SLC7A9: variants seen among roughly 807,000 people sequenced by gnomAD.
The protein encoded by SLC7A9 is B(0,+)-type amino acid transporter 1.
SLC7A9 carries 38 observed loss-of-function variants against 54.1 expected under a neutral mutation model. The observed-to-expected ratio is 0.70, with a 90% confidence interval of 0.54 to 0.92. The LOEUF (loss-of-function observed/expected upper bound fraction) is 0.92, where lower values mean the gene tolerates loss of function less well. SLC7A9 is among the 40% of genes least tolerant of loss of function. SLC7A9 has a pLI of 0.00. For missense variants in SLC7A9, 537 were observed against 636.1 expected, an observed-to-expected ratio of 0.84 and a Z score of 1.68; for synonymous variants, 264 against 258.9, an observed-to-expected ratio of 1.02 and a Z score of -0.19.
rs1192188226 is a variant in SLC7A9, at chr19:32,862,659, ATATTTTT to A, written c.479-80_479-74del. On this transcript the variant is annotated intron_variant, in intron 4 of 12. Coordinates refer to ENST00000023064, the MANE Select transcript of SLC7A9 (RefSeq NM_014270.5). ...CTGGAGAGAGTCTCCTTTCTTTTAT[ATATTTTT>A]TATTTTTTTTTTTTTTTGAGATGGA... 8.1e-5 allele frequency: 110 copies of A among 1,353,740 alleles called. No individual in the cohort carries two copies. In the African/African-American group the frequency reaches 9.2e-4, roughly 11 times the overall value. The allele number at this position is 1,353,740 out of a possible 1,614,324, so 83.9% of individuals were successfully genotyped here.
intron 9 of SLC7A9, among the ~76,000 whole-genome samples, chr19:32,857,709 A>G (rs574912403): frequency 6.6e-6 from 1 of 152,314 alleles, no homozygotes; most frequent in Non-Finnish European, 1.5e-5. Context: ...ACGTTCATGG[A>G]AACCACCCAC....
chr19:32,842,360 C>T, intron 10 of SLC7A9, 43 bp from the exon 11 acceptor site: 2 of 1,578,540 alleles, frequency 1.3e-6, no homozygotes, highest in Non-Finnish European at 1.7e-6. Flanking sequence ...TACTACAAAA[C>T]ACTGTTCTCA....
chr19:32,860,261 A>C (rs1968759414), intron 7 of SLC7A9: 2 of 1,401,206 alleles, frequency 1.4e-6, no homozygotes, highest in Non-Finnish European at 1.9e-6. Context: ...TGAGCTCATA[A>C]GAAACCATTC....
At chr19:32,853,916 CAAAA>C (rs139253538) in intron 9 of SLC7A9, among the ~76,000 whole-genome samples, 38,103 of 119,818 alleles carry the variant, frequency 0.32, 5,681 homozygotes, top group African/African-American at 0.5. Context: ...GATCCTGTCT[CAAAA>C]AAAAAAAAAA....
At chr19:32,849,645 A>C (rs1255387423) in intron 9 of SLC7A9, among the ~76,000 whole-genome samples, 6 of 150,206 alleles carry the variant, frequency 4.0e-5, no homozygotes, top group African/African-American at 1.5e-4. Flanking sequence ...TATTCCAATC[A>C]ATAGAAAAAG....
At chr19:32,868,724 A>C in intron 1 of SLC7A9, 79 bp from the exon 2 acceptor site, 1 of 650,352 alleles carries the variant, frequency 1.5e-6, no homozygotes, top group Non-Finnish European at 2.8e-6. Flanking sequence ...TGGGCCCCAG[A>C]GTCAAAGTCA....
At chr19:32,833,117 A>T (rs1422298695) in intron 12 of SLC7A9, 32 bp downstream of exon 12, 1 of 1,612,182 alleles carries the variant, frequency 6.2e-7, no homozygotes, top group Admixed American at 1.7e-5. Flanking sequence ...TGCACCTCAC[A>T]GAGGCCAAGC....
At position 32,859,878 on chromosome 19, in the gene SLC7A9, G is replaced by A. The variant is rs1343301714; in HGVS notation, c.836C>T (p.Thr279Ile). The stretch of plus-strand genomic sequence containing the variant: ...CTGGGACTGCAGGAGTTCGGTGGCA[G>A]TCATCACGGTGAAGTAGGACACGTT... ...LMNVSYFTVMTATELLQSQAV... is the reference protein window; with the variant it reads ...LMNVSYFTVMIATELLQSQAV... The change falls in exon 8 of 13, where the codon ACT becomes ATT. Residue 279 changes from threonine (T) to isoleucine (I), a missense_variant. Coordinates refer to ENST00000023064, the MANE Select transcript of SLC7A9 (RefSeq NM_014270.5). 10 of 1,614,054 alleles carry A rather than the reference G, an allele frequency of 6.2e-6. No individual in the cohort carries two copies. The highest frequency in any genetic ancestry group is 7.6e-6 in the Non-Finnish European group (9 of 1,180,032).
chr19:32,844,773 G>A (rs1258241462), intron 9 of SLC7A9, among the ~76,000 whole-genome samples: 1 of 145,268 alleles, frequency 6.9e-6, no homozygotes, highest in Non-Finnish European at 1.5e-5. Context: ...AGAGGTTGCG[G>A]TGAGCTGAGA....
At chr19:32,868,386 C>T in intron 2 of SLC7A9, 62 bp downstream of exon 2, 1 of 1,268,938 alleles carries the variant, frequency 7.9e-7, no homozygotes, top group Non-Finnish European at 1.2e-6. Flanking sequence ...ACTGCCTGCG[C>T]CCCTCGTTCA....
At chr19:32,868,725 G>A (rs913348127) in intron 1 of SLC7A9, 80 bp from the exon 2 acceptor site, 1 of 650,232 alleles carries the variant, frequency 1.5e-6, no homozygotes, top group Non-Finnish European at 2.8e-6. Context: ...GGGCCCCAGA[G>A]TCAAAGTCAG....
chr19:32,831,543 C>T (rs549811178), intron 12 of SLC7A9, among the ~76,000 whole-genome samples: 13 of 152,310 alleles, frequency 8.5e-5, no homozygotes, highest in Admixed American at 3.3e-4. Flanking sequence ...CCCCCTCAGC[C>T]TCCCAAAGTG....
chr19:32,857,210 G>T (rs1410960437), intron 9 of SLC7A9, among the ~76,000 whole-genome samples: 1 of 152,028 alleles, frequency 6.6e-6, no homozygotes, highest in Non-Finnish European at 1.5e-5. Flanking sequence ...TTTGGGAAGT[G>T]GAGGCAGGAG....
chr19:32,836,250 T>G lies in SLC7A9; in HGVS notation c.1225-2927A>C, dbSNP rs572006371. ...TTTTAGTAGAGATGGGGTTTCACCATGTTTGCCAGGCTGGTCTTGAACTCC... is the reference window on the plus strand; with the variant it reads ...TTTTAGTAGAGATGGGGTTTCACCAGGTTTGCCAGGCTGGTCTTGAACTCC... On this transcript the variant is annotated intron_variant, in intron 11 of 12. Transcript: ENST00000023064. Among the ~76,000 whole-genome samples the G allele has an allele frequency of 3.9e-5, 6 of 152,220 alleles. No homozygotes were observed. In the South Asian group the frequency reaches 1.0e-3, roughly 26 times the overall value.
chr19:32,832,788 G>C, intron 12 of SLC7A9: 1 of 299,004 alleles, frequency 3.3e-6, no homozygotes, highest in Non-Finnish European at 6.5e-6. Context: ...GTGTGCCTGT[G>C]GTCCCAGCTA....
intron 11 of SLC7A9, among the ~76,000 whole-genome samples, chr19:32,838,471 A>G (rs1365048754): frequency 1.3e-5 from 2 of 148,578 alleles, no homozygotes; most frequent in African/African-American, 4.9e-5. Context: ...AATATATTAT[A>G]TCTAATAGGC....
intron 9 of SLC7A9, among the ~76,000 whole-genome samples, chr19:32,847,906 T>G (rs537075463): frequency 6.6e-6 from 1 of 152,306 alleles, no homozygotes; most frequent in East Asian, 1.9e-4. Context: ...AAAAGAATTT[T>G]CAACCCAGAA....
chr19:32,863,693 C>T (rs1254001496), intron 4 of SLC7A9, among the ~76,000 whole-genome samples: 1 of 152,210 alleles, frequency 6.6e-6, no homozygotes, highest in East Asian at 1.9e-4. Context: ...ACCATATCAT[C>T]TCCCAAATTC....
intron 9 of SLC7A9, 42 bp downstream of exon 9, chr19:32,858,398 C>A (rs1568527032): frequency 7.1e-7 from 1 of 1,409,092 alleles, no homozygotes; most frequent in Admixed American, 1.7e-5. Flanking sequence ...ATTGCTTTCG[C>A]CGCCCCTGTC....
Sources: gnomAD v4.1 joint callset for allele counts (sites outside exome capture counted in the v4.1 genomes callset) on GRCh38, gnomAD v4.1.1 for gene constraint, MANE v1.5 for transcripts, NCBI Gene and HGNC (gene_info 2026-07-23, HGNC 2026-07-21) for gene names.